The following AR variants were observed in gnomAD, a reference collection of about 807,000 sequenced individuals.
AR encodes androgen receptor, also known as dihydrotestosterone receptor.
A neutral mutation model predicts 53.9 loss-of-function variants in AR; 8 were observed. That is an observed-to-expected ratio of 0.15 (90% CI 0.09 to 0.27). AR has a LOEUF of 0.27. Among genes scored for constraint, AR ranks in the 10% least tolerant of loss-of-function variants. The pLI, the probability that AR is intolerant of heterozygous loss-of-function variation, is 1.00. For missense variants in AR, 639 were observed against 742.5 expected (o/e 0.86, Z 1.62); for synonymous variants, 359 against 316.4 (o/e 1.13, Z -1.43).
At position 67,678,016 on chromosome X, in the gene AR, G is replaced by A. The variant is rs1166648170; in HGVS notation, c.1769-7994G>A. On this transcript the variant is annotated intron_variant, in intron 2 of 7. Transcript: ENST00000374690. ...ACACCTGGATTCTTGTCTCTGTTTTGACACTGATTCATGGTGTGATCTTCA... is the reference window on the plus strand; with the variant it reads ...ACACCTGGATTCTTGTCTCTGTTTTAACACTGATTCATGGTGTGATCTTCA... Among the ~76,000 whole-genome samples the A allele has an allele frequency of 2.3e-4, 26 of 111,459 alleles. No individual in the cohort carries two copies. The Admixed American group carries it at 2.4e-3, about 10-fold the overall frequency.
intron 1 of AR, among the ~76,000 whole-genome samples, chrX:67,565,919 T>C (rs1177578708): frequency 8.9e-6 from 1 of 111,829 alleles, no homozygotes; most frequent in Non-Finnish European, 1.9e-5. Flanking sequence ...TCCTGAATTC[T>C]TGGTCTCAAG....
intron 3 of AR, chrX:67,694,794 C>A (rs139374285): frequency 8.8e-7 from 1 of 1,132,165 alleles, no homozygotes; most frequent in Non-Finnish European, 1.2e-6. Flanking sequence ...AGAAACCTGG[C>A]GTCTGAGGCT....
chrX:67,582,533 C>T (rs1255941007), intron 1 of AR, among the ~76,000 whole-genome samples: 1 of 111,745 alleles, frequency 8.9e-6, no homozygotes, highest in East Asian at 2.8e-4. Flanking sequence ...TTGACTTAAT[C>T]TGTTTCAGTC....
chrX:67,680,272 C>A (rs2075925236), intron 2 of AR, among the ~76,000 whole-genome samples: 1 of 111,824 alleles, frequency 8.9e-6, no homozygotes, highest in African/African-American at 3.2e-5. Context: ...CTGTTGTAAT[C>A]ATTATGCCTT....
intron 1 of AR, among the ~76,000 whole-genome samples, chrX:67,630,166 G>T (rs1471444834): frequency 9.0e-6 from 1 of 110,909 alleles, no homozygotes; most frequent in South Asian, 3.9e-4. Flanking sequence ...GCTTGGTGCA[G>T]AGCTGAGTTC....
chrX:67,585,633 A>G (rs999724730), intron 1 of AR, among the ~76,000 whole-genome samples: 8 of 112,386 alleles, frequency 7.1e-5, no homozygotes, highest in Non-Finnish European at 1.5e-4. Flanking sequence ...GATTTGAGTC[A>G]TGCCAGATTG....
chrX:67,645,696 C>T lies in AR; in HGVS notation c.1768+2289C>T, dbSNP rs1348510655. 6.3e-5 allele frequency among the ~76,000 whole-genome samples: 7 copies of T among 110,408 alleles called. No homozygotes were observed. The East Asian group carries it at 2.0e-3, about 32-fold the overall frequency. ...ATGGACCATAGATTTCAGTCCTGAG[C>T]CCTTTGAAGGTAGGAGAAGGTGGTT... On this transcript the variant is annotated intron_variant, in intron 2 of 7. Coordinates refer to ENST00000374690, the MANE Select transcript of AR (RefSeq NM_000044.6).
chrX:67,689,120 C>T (rs2075982145), intron 3 of AR, among the ~76,000 whole-genome samples: 1 of 111,265 alleles, frequency 9.0e-6, no homozygotes. Context: ...TGTGGCTTCA[C>T]CGAGGACCTT....
intron 2 of AR, among the ~76,000 whole-genome samples, chrX:67,644,608 A>T (rs1925956898): frequency 1.8e-5 from 2 of 112,180 alleles, no homozygotes; most frequent in African/African-American, 6.5e-5. Flanking sequence ...AGGTAGAAAG[A>T]GAATGCCCTT....
intron 3 of AR, among the ~76,000 whole-genome samples, chrX:67,700,123 C>T (rs1302092443): frequency 9.0e-6 from 1 of 111,689 alleles, no homozygotes; most frequent in African/African-American, 3.3e-5. Context: ...TGGAAAGCCC[C>T]TTGCCAATGG....
In AR at chrX:67,544,022, G is replaced by T. The variant is rs1226656770; in HGVS notation, c.-1125G>T. On this transcript the variant is annotated 5_prime_UTR_variant, in exon 1 of 8. Coordinates refer to ENST00000374690, the MANE Select transcript of AR (RefSeq NM_000044.6). The stretch of plus-strand genomic sequence containing the variant: ...TGTTGCATTTGCTCTCCACCTCCCA[G>T]CGCCCCCTCCGAGATCCCGGGGAGC... The T allele has an allele frequency of 6.0e-6, 1 of 167,791 alleles. No homozygotes were observed. Among genetic ancestry groups the T allele is most frequent in the African/African-American group, 3.0e-5 (1 of 33,594 alleles). 13.8% of individuals were successfully genotyped at this position (167,791 alleles called of 1,213,427 possible).
intron 1 of AR, among the ~76,000 whole-genome samples, chrX:67,612,650 A>G (rs907842269): frequency 8.9e-6 from 1 of 112,255 alleles, no homozygotes; most frequent in African/African-American, 3.2e-5. Context: ...GATCTGGTGG[A>G]CCCTCTACTC....
intron 1 of AR, among the ~76,000 whole-genome samples, chrX:67,552,776 A>G (rs1160924883): frequency 1.8e-5 from 2 of 111,202 alleles, no homozygotes; most frequent in Non-Finnish European, 3.8e-5. Context: ...TTTTATTTCC[A>G]TTTCCCTAAT....
chrX:67,563,853 A>G (rs995112464), intron 1 of AR, among the ~76,000 whole-genome samples: 3 of 112,040 alleles, frequency 2.7e-5, no homozygotes, highest in South Asian at 7.5e-4. Context: ...GAATGACTCA[A>G]TGCAAATTAT....
chrX:67,567,775 T>A (rs1318063477), intron 1 of AR, among the ~76,000 whole-genome samples: 1 of 112,249 alleles, frequency 8.9e-6, no homozygotes, highest in East Asian at 2.8e-4. Context: ...ATTATATAGA[T>A]GAAACATTAA....
chrX:67,651,046 T>A (rs916126503), intron 2 of AR, among the ~76,000 whole-genome samples: 1 of 110,178 alleles, frequency 9.1e-6, no homozygotes, highest in African/African-American at 3.3e-5. Flanking sequence ...TGTGGCATTT[T>A]TTTTTTTTGA....
intron 3 of AR, among the ~76,000 whole-genome samples, chrX:67,702,106 T>G (rs1475755377): frequency 1.8e-5 from 2 of 111,764 alleles, no homozygotes; most frequent in Non-Finnish European, 3.8e-5. Context: ...TCACCTTTTT[T>G]ATAGCTGTGT....
At chrX:67,603,163 T>C (rs1923460667) in intron 1 of AR, among the ~76,000 whole-genome samples, 1 of 111,566 alleles carries the variant, frequency 9.0e-6, no homozygotes. Flanking sequence ...GATACAGAGG[T>C]CATATGCCTG....
intron 1 of AR, among the ~76,000 whole-genome samples, chrX:67,633,131 GT>G (rs1185720611): frequency 8.9e-6 from 1 of 112,105 alleles, no homozygotes; most frequent in African/African-American, 3.2e-5. Context: ...TTGTTATTTG[GT>G]TTTTCTTCAC....
Sources: allele counts gnomAD v4.1 joint callset (sites outside exome capture counted in the v4.1 genomes callset), GRCh38; gene constraint gnomAD v4.1.1; transcripts MANE v1.5; gene names NCBI Gene and HGNC (gene_info 2026-07-23, HGNC 2026-07-21).